The following CHN1 variants were observed in gnomAD, a reference collection of about 807,000 sequenced individuals.
CHN1 encodes N-chimaerin.
In CHN1, 37 loss-of-function variants were observed where a neutral mutation model predicts 59.5. The ratio of observed to expected loss-of-function variants is 0.62; its 90% CI spans 0.48 to 0.82. The LOEUF (loss-of-function observed/expected upper bound fraction) is 0.82, where lower values mean the gene tolerates loss of function less well. Ranked by LOEUF, CHN1 falls within the 40% of genes least tolerant of loss-of-function variation. The probability of loss-of-function intolerance (pLI) is 0.00; values close to 1 mark genes in which losing one functional copy is unlikely to be tolerated. For synonymous variants in CHN1, 206 were observed against 200.4 expected (o/e 1.03, Z -0.24); for missense variants, 469 against 571.0 (o/e 0.82, Z 1.82).
At chr2:174,997,794 GA>G (rs1691756811) in intron 1 of CHN1, among the ~76,000 whole-genome samples, 1 of 152,118 alleles carries the variant, frequency 6.6e-6, no homozygotes, top group Non-Finnish European at 1.5e-5. Context: ...CACTTTGGGA[GA>G]CCGAGGCGGG....
At chr2:174,951,129 C>T (rs942975989) in intron 2 of CHN1, among the ~76,000 whole-genome samples, 2 of 152,168 alleles carry the variant, frequency 1.3e-5, no homozygotes, top group Non-Finnish European at 2.9e-5. Flanking sequence ...GAGACAAAAT[C>T]TTTAGGAGGT....
intron 1 of CHN1, among the ~76,000 whole-genome samples, chr2:174,960,503 C>T (rs1482249024): frequency 7.2e-5 from 11 of 152,190 alleles, no homozygotes; most frequent in Non-Finnish European, 1.5e-4. Context: ...AATCTGGATT[C>T]TAAAGAGCTT....
At chr2:174,881,007 T>C (rs966438709) in intron 5 of CHN1, among the ~76,000 whole-genome samples, 5 of 150,320 alleles carry the variant, frequency 3.3e-5, no homozygotes, top group African/African-American at 1.2e-4. Flanking sequence ...GATTGCACCA[T>C]TGCACTCCAG....
chr2:174,827,202 T>G (rs1198830730), intron 7 of CHN1, among the ~76,000 whole-genome samples: 6 of 152,216 alleles, frequency 3.9e-5, no homozygotes, highest in African/African-American at 1.4e-4. Flanking sequence ...CTGTAGCCTT[T>G]GAGTCTTTTA....
At chr2:174,892,220 AG>A (rs1558969961) in intron 5 of CHN1, among the ~76,000 whole-genome samples, 1 of 152,246 alleles carries the variant, frequency 6.6e-6, no homozygotes, top group African/African-American at 2.4e-5. Context: ...AAATTTGAAG[AG>A]GAAGTGTTAT....
At chr2:174,983,662 T>A (rs1416012370) in intron 1 of CHN1, among the ~76,000 whole-genome samples, 13 of 152,030 alleles carry the variant, frequency 8.6e-5, no homozygotes, top group Non-Finnish European at 1.6e-4. Flanking sequence ...ACCCCGTCTC[T>A]ATGAAAAATA....
At chr2:174,847,309 T>TA in intron 6 of CHN1, 1 of 1,326,538 alleles carries the variant, frequency 7.5e-7, no homozygotes, top group Non-Finnish European at 9.6e-7. Context: ...AGAGGTCGAC[T>TA]AACCAGCAAA....
At chr2:174,829,258 G>T (rs1237096207) in intron 7 of CHN1, among the ~76,000 whole-genome samples, 1 of 152,184 alleles carries the variant, frequency 6.6e-6, no homozygotes, top group Non-Finnish European at 1.5e-5. Flanking sequence ...CCCCAGTACA[G>T]TCTTATCAGT....
At chr2:174,830,244 A>T (rs1685830686) in intron 7 of CHN1, among the ~76,000 whole-genome samples, 1 of 152,164 alleles carries the variant, frequency 6.6e-6, no homozygotes, top group African/African-American at 2.4e-5. Context: ...AAAAAAAATA[A>T]AAAATAAAAA....
At chr2:174,842,689 C>T (rs1686354787) in intron 7 of CHN1, among the ~76,000 whole-genome samples, 1 of 152,210 alleles carries the variant, frequency 6.6e-6, no homozygotes, top group African/African-American at 2.4e-5. Context: ...CACTGCCGCC[C>T]TTCAGTTCAC....
intron 5 of CHN1, among the ~76,000 whole-genome samples, chr2:174,910,812 A>G (rs1048017413): frequency 1.4e-5 from 2 of 147,454 alleles, no homozygotes; most frequent in Non-Finnish European, 3.0e-5. Flanking sequence ...AGGCAGGAGA[A>G]TGGTGTGAAC....
At chr2:174,802,306 ACT>A (rs1000012075) in intron 11 of CHN1, among the ~76,000 whole-genome samples, 3 of 152,202 alleles carry the variant, frequency 2.0e-5, no homozygotes, top group African/African-American at 7.2e-5. Flanking sequence ...TGATATTCAT[ACT>A]TTTTTCTTTT....
chr2:174,832,771 G>C (rs1396628988), intron 7 of CHN1, among the ~76,000 whole-genome samples: 1 of 152,012 alleles, frequency 6.6e-6, no homozygotes, highest in Non-Finnish European at 1.5e-5. Flanking sequence ...GAACATTATA[G>C]AGTGTACTTA....
At chr2:174,848,841 T>C (rs1574086182) in intron 6 of CHN1, among the ~76,000 whole-genome samples, 2 of 152,188 alleles carry the variant, frequency 1.3e-5, no homozygotes, top group African/African-American at 4.8e-5. Flanking sequence ...TATACTTAGA[T>C]AATTAATATG....
intron 3 of CHN1, 60 bp downstream of exon 3, chr2:174,944,828 G>C: frequency 8.1e-7 from 1 of 1,227,506 alleles, no homozygotes; most frequent in Non-Finnish European, 1.2e-6. Flanking sequence ...TGAAGAAGGT[G>C]AAAGTTTGGG....
At chr2:174,869,986 A>T (rs1687353637) in intron 6 of CHN1, among the ~76,000 whole-genome samples, 1 of 152,220 alleles carries the variant, frequency 6.6e-6, no homozygotes. Context: ...TTCACTAAAC[A>T]CTGTTAGTAA....
At position 174,914,286 on chromosome 2, in the gene CHN1, G is replaced by A. The variant is rs77920752; in HGVS notation, c.260+772C>T. Among the ~76,000 whole-genome samples, 1,429 of 152,290 alleles carry A rather than the reference G, an allele frequency of 9.4e-3. 24 individuals carry two copies. Among genetic ancestry groups the A allele is most frequent in the African/African-American group, 0.032 (1,346 of 41,564 alleles). ...TGGGTTATTATTGCAGGGTTAGCAG[G>A]AGTATTTGTTTCTGGGCACTGTACT... is the stretch of plus-strand genomic sequence containing the variant. On this transcript the variant is annotated intron_variant, in intron 5 of 12. Coordinates refer to ENST00000409900, the MANE Select transcript of CHN1 (RefSeq NM_001822.7).
Position 175,005,079 on chromosome 2 carries a change from C to A in CHN1, c.-167G>T. The A allele has an allele frequency of 3.7e-6, 5 of 1,335,194 alleles. No homozygotes were observed. The highest frequency in any genetic ancestry group is 4.8e-6 in the Non-Finnish European group (5 of 1,041,388). 82.7% of individuals were successfully genotyped at this position (1,335,194 alleles called of 1,614,324 possible). A position where few individuals can be genotyped will look rare whatever the true frequency, so the allele number is the denominator to read the frequency against. On this transcript the variant is annotated 5_prime_UTR_variant, in exon 1 of 13. Transcript: ENST00000409900. ...GGCTGCAGGCCGGGACGCGGGGGACCGCTGCAAGAAAAAGTTATTCACGCG... is the reference window on the plus strand; with the variant it reads ...GGCTGCAGGCCGGGACGCGGGGGACAGCTGCAAGAAAAAGTTATTCACGCG...
rs189670066 is a variant in CHN1 at position 174,884,453 on chromosome 2, T to C, written c.261-6325A>G. On this transcript the variant is annotated intron_variant, in intron 5 of 12. Coordinates refer to ENST00000409900, the MANE Select transcript of CHN1 (RefSeq NM_001822.7). ...AGTAATTGCAAATAAATCCTCAGAC[T>C]GGCAAAATTTAACAAGCCTAACAAT... Among the ~76,000 whole-genome samples the C allele has an allele frequency of 5.9e-4, 90 of 152,250 alleles. No homozygotes were observed. In the South Asian group the frequency reaches 8.3e-3, roughly 14 times the overall value.
Sources: allele counts gnomAD v4.1 joint callset (sites outside exome capture counted in the v4.1 genomes callset), GRCh38; gene constraint gnomAD v4.1.1; transcripts MANE v1.5; gene names NCBI Gene and HGNC (gene_info 2026-07-23, HGNC 2026-07-21).